Variants in ZNF469 observed in about 807,000 individuals in gnomAD.
The protein encoded by ZNF469 is zinc finger protein 469.
ZNF469 carries 1 observed loss-of-function variant against 1.0 expected under a neutral mutation model. The observed-to-expected ratio is 1.00, with a 90% CI of 0.35 to 4.73. The LOEUF (loss-of-function observed/expected upper bound fraction) is 4.73. Ranked by LOEUF, ZNF469 falls within the 30% of genes most tolerant of loss-of-function variation. ZNF469 has a pLI of 0.16. For missense variants in ZNF469, 6,100 were observed against 5,356.3 expected, an observed-to-expected ratio of 1.14 and a Z score of -4.33; for synonymous variants, 2,703 against 2,363.4, an observed-to-expected ratio of 1.14 and a Z score of -4.17.
At chr16:88,120,657 C>A in the ZNF469 span, among the ~76,000 whole-genome samples, 1 of 152,230 alleles carries the variant, frequency 6.6e-6, no homozygotes, top group Non-Finnish European at 1.5e-5. Flanking sequence ...GCCTGGGTCA[C>A]CGCGGCTCCC....
the ZNF469 span, among the ~76,000 whole-genome samples, chr16:88,364,086 T>C: frequency 6.6e-5 from 10 of 152,246 alleles, no homozygotes; most frequent in Admixed American, 2.6e-4. Flanking sequence ...TTTTTTGTGT[T>C]ACCTTCTGGA....
Position 88,436,135 on chromosome 16 carries a change from C to A in ZNF469, c.8665C>A (p.Leu2889Met), listed in dbSNP as rs1267891064. 1.3e-6 allele frequency: 2 copies of A among 1,548,290 alleles called. No individual in the cohort carries two copies. The highest frequency in any genetic ancestry group is 8.7e-7 in the Non-Finnish European group (1 of 1,146,978). The change falls in exon 3 of 3, where the codon CTG becomes ATG. Residue 2889 changes from leucine to methionine, a missense_variant. Coordinates refer to ENST00000565624, the MANE Select transcript of ZNF469 (RefSeq NM_001367624.2). ...GCGCTGTGAGAAGCCGGTGCTCCCG[C>A]TGCCAACCCAGCCCAGCTTTGAGGA... ...GKRCEKPVLP[L>M]PTQPSFEEGG...
the ZNF469 span, among the ~76,000 whole-genome samples, chr16:88,231,110 C>T: frequency 3.3e-5 from 5 of 152,308 alleles, no homozygotes; most frequent in East Asian, 3.9e-4. This position sits in a 1 kb window ranked among gnomAD's most constrained non-coding sequence, Gnocchi z 4.5. Context: ...GACGGTGGCT[C>T]CTGGTGGTCA....
chr16:88,391,004 C>T (rs1432562637), intron 1 of ZNF469, among the ~76,000 whole-genome samples: 2 of 152,244 alleles, frequency 1.3e-5, no homozygotes, highest in Non-Finnish European at 2.9e-5. Flanking sequence ...GAATGGCCCG[C>T]GTCATTCTCT....
the ZNF469 span, among the ~76,000 whole-genome samples, chr16:88,136,048 C>T: frequency 5.3e-5 from 8 of 152,204 alleles, no homozygotes; most frequent in South Asian, 2.1e-4. Flanking sequence ...CGTGAGCCAC[C>T]GCGCCCGGCC....
chr16:88,317,762 A>C, the ZNF469 span, among the ~76,000 whole-genome samples: 4 of 152,228 alleles, frequency 2.6e-5, no homozygotes, highest in Non-Finnish European at 5.9e-5. Context: ...TTGAGTCCCC[A>C]GGAACTTACA....
intron 1 of ZNF469, among the ~76,000 whole-genome samples, chr16:88,422,500 T>G (rs2142291496): frequency 1.1e-5 from 1 of 87,660 alleles, no homozygotes; most frequent in Non-Finnish European, 2.2e-5. Flanking sequence ...GATGGGTGAG[T>G]GATGGGTGGA....
chr16:88,198,388 G>C, the ZNF469 span, among the ~76,000 whole-genome samples: 45 of 152,298 alleles, frequency 3.0e-4, 1 homozygote, highest in South Asian at 8.9e-3. Flanking sequence ...CTCCTCCGGT[G>C]GGGGGCTGGG....
At chr16:88,253,984 A>C in the ZNF469 span, among the ~76,000 whole-genome samples, 1 of 151,948 alleles carries the variant, frequency 6.6e-6, no homozygotes, top group Non-Finnish European at 1.5e-5. Context: ...ATTTCCTAAT[A>C]GTGTTATTTA....
chr16:88,200,885 G>GC, the ZNF469 span, among the ~76,000 whole-genome samples: 1 of 152,214 alleles, frequency 6.6e-6, no homozygotes, highest in Non-Finnish European at 1.5e-5. Context: ...TCCTCCGGCC[G>GC]CCCCCGGCTG....
chr16:88,147,362 C>T, the ZNF469 span, among the ~76,000 whole-genome samples: 2 of 152,044 alleles, frequency 1.3e-5, no homozygotes, highest in African/African-American at 4.8e-5. Context: ...GCGCCAAAGT[C>T]AGTCCATGTT....
chr16:88,204,245 G>A, the ZNF469 span, among the ~76,000 whole-genome samples: 40 of 148,280 alleles, frequency 2.7e-4, no homozygotes, highest in Non-Finnish European at 5.4e-4. Flanking sequence ...ATAGAGCAGC[G>A]GGAGGCGCAC....
At chr16:88,203,098 G>A in the ZNF469 span, among the ~76,000 whole-genome samples, 1 of 152,100 alleles carries the variant, frequency 6.6e-6, no homozygotes, top group African/African-American at 2.4e-5. Flanking sequence ...AGCAGGAAGG[G>A]CAGAAGGGCC....
the ZNF469 span, among the ~76,000 whole-genome samples, chr16:88,254,226 C>T: frequency 2.6e-5 from 4 of 152,172 alleles, no homozygotes; most frequent in Non-Finnish European, 4.4e-5. Context: ...TTTCCTTCCA[C>T]GTGATCGCCA....
the ZNF469 span, chr16:88,191,403 G>A: frequency 6.6e-6 from 1 of 152,264 alleles, no homozygotes; most frequent in African/African-American, 2.4e-5. Flanking sequence ...ATGCCCACAA[G>A]GTGCCCCTGG....
At position 88,429,272 on chromosome 16, in the gene ZNF469, C is replaced by A. The variant is rs1372351659; in HGVS notation, c.1802C>A (p.Ala601Asp). Residue 601 changes from alanine (A) to aspartate (D), a missense_variant, in exon 3 of 3, where the codon GCC becomes GAC. By Grantham distance (126) the Ala-to-Asp change is moderately radical. Transcript: ENST00000565624. ...CTGCCGTCACCGGCCACCAACACGGCCGGCAGCACCTGCTCTTCCCTGTCG... is the reference window on the plus strand; with the variant it reads ...CTGCCGTCACCGGCCACCAACACGGACGGCAGCACCTGCTCTTCCCTGTCG... The part of the protein sequence containing the change: ...SPLPSPATNT[A>D]GSTCSSLSPM... 5.8e-6 allele frequency: 9 copies of A among 1,549,880 alleles called. No individual in the cohort carries two copies. In the South Asian group the frequency reaches 1.1e-4, roughly 18 times the overall value.
chr16:88,371,996 C>A, the ZNF469 span, among the ~76,000 whole-genome samples: 1 of 129,530 alleles, frequency 7.7e-6, no homozygotes, highest in Admixed American at 7.9e-5. Context: ...ATCACCATCA[C>A]CATCATCACC....
the ZNF469 span, among the ~76,000 whole-genome samples, chr16:88,170,594 G>A: frequency 3.3e-5 from 5 of 152,198 alleles, no homozygotes; most frequent in East Asian, 1.9e-4. The surrounding 1 kb of genome is among the most constrained non-coding windows in gnomAD (Gnocchi z 4.2). Flanking sequence ...CCTCCTCCAC[G>A]TCATCACAGA....
the ZNF469 span, among the ~76,000 whole-genome samples, chr16:88,187,201 C>T: frequency 6.6e-6 from 1 of 152,170 alleles, no homozygotes; most frequent in Non-Finnish European, 1.5e-5. Flanking sequence ...AGGTTGGGGA[C>T]CCTGAAGCAG....
Sources: gnomAD v4.1 joint callset for allele counts (sites outside exome capture counted in the v4.1 genomes callset) on GRCh38, gnomAD v4.1.1 for gene constraint, Gnocchi (gnomAD v3.1) non-coding constraint, MANE v1.5 for transcripts, NCBI Gene and HGNC (gene_info 2026-07-23, HGNC 2026-07-21) for gene names.